The following HMGCLL1 variants were observed in gnomAD, a reference collection of about 807,000 sequenced individuals.
HMGCLL1 encodes the protein 3-hydroxymethyl-3-methylglutaryl-CoA lyase, cytoplasmic.
A neutral mutation model predicts 39.1 loss-of-function variants in HMGCLL1; 36 were observed. That is an observed-to-expected ratio of 0.92 (90% CI 0.71 to 1.22). The LOEUF (loss-of-function observed/expected upper bound fraction) is 1.22, where lower values mean the gene tolerates loss of function less well. HMGCLL1 is among the 50% of genes most tolerant of loss of function. HMGCLL1 has a pLI of 0.00. For missense variants in HMGCLL1, 451 were observed against 416.5 expected (o/e 1.08, Z -0.72); for synonymous variants, 149 against 144.0 (o/e 1.03, Z -0.25).
chr6:55,488,134 T>G (rs1561912376), intron 7 of HMGCLL1, among the ~76,000 whole-genome samples: 1 of 152,120 alleles, frequency 6.6e-6, no homozygotes, highest in Non-Finnish European at 1.5e-5. Context: ...AAATGCATAA[T>G]GTAATTTTGG....
intron 3 of HMGCLL1, among the ~76,000 whole-genome samples, chr6:55,537,477 A>T (rs1370414801): frequency 2.6e-5 from 4 of 152,212 alleles, no homozygotes; most frequent in African/African-American, 9.6e-5. Context: ...CACATACTTT[A>T]ATCTTCAGAA....
chr6:55,541,847 A>C lies in HMGCLL1; in HGVS notation c.190-11T>G. 6.9e-7 allele frequency: 1 copy of C among 1,454,684 alleles called. No individual in the cohort carries two copies. Among genetic ancestry groups the C allele is most frequent in the Non-Finnish European group, 9.5e-7 (1 of 1,051,060 alleles). 90.1% of individuals were successfully genotyped at this position (1,454,684 alleles called of 1,614,324 possible). A position where few individuals can be genotyped will look rare whatever the true frequency, so the allele number is the denominator to read the frequency against. On this transcript the variant is annotated splice_polypyrimidine_tract_variant and intron_variant, in intron 2 of 8. Coordinates refer to ENST00000274901, the MANE Select transcript of HMGCLL1 (RefSeq NM_001042406.2). ...TGTAGGAACTATAACCTATGAAAAC[A>C]AAAAATATTTTATAAGTAAATTGTA...
rs563385503 is a variant in HMGCLL1 at position 55,578,887 on chromosome 6, A to G, written c.108+61T>C. ...AGGAGGGCACCAAGAGGTTGCAGGGAGAGAGGCTGGCTGTCAGTGTGCGCA... is the reference window on the plus strand; with the variant it reads ...AGGAGGGCACCAAGAGGTTGCAGGGGGAGAGGCTGGCTGTCAGTGTGCGCA... On this transcript the variant is annotated intron_variant, in intron 1 of 8. Transcript: ENST00000274901. The G allele has an allele frequency of 5.2e-5, 64 of 1,238,566 alleles. 1 individual carries two copies. The South Asian group carries it at 7.2e-4, about 14-fold the overall frequency. 76.7% of individuals were successfully genotyped at this position (1,238,566 alleles called of 1,614,324 possible).
At chr6:55,452,263 T>A (rs938057916) in intron 7 of HMGCLL1, among the ~76,000 whole-genome samples, 5 of 152,202 alleles carry the variant, frequency 3.3e-5, no homozygotes, top group African/African-American at 1.2e-4. Flanking sequence ...TTTATTAATC[T>A]TGGCTGCAGC....
At chr6:55,617,684 G>T in the HMGCLL1 span, among the ~76,000 whole-genome samples, 1 of 152,212 alleles carries the variant, frequency 6.6e-6, no homozygotes, top group East Asian at 1.9e-4. Context: ...TGGTGGAATT[G>T]TAAACTGGTA....
chr6:55,446,369 C>T (rs2127385248), intron 7 of HMGCLL1, among the ~76,000 whole-genome samples: 1 of 150,560 alleles, frequency 6.6e-6, no homozygotes. Context: ...ACTCTAAGGA[C>T]TGAGATGTCC....
At chr6:55,564,241 A>G (rs539958114) in intron 1 of HMGCLL1, among the ~76,000 whole-genome samples, 14 of 152,174 alleles carry the variant, frequency 9.2e-5, no homozygotes, top group Middle Eastern at 3.4e-3. Context: ...TCAATCATGT[A>G]TAATTTGTTG....
In HMGCLL1 at chr6:55,574,851, T is replaced by C. The variant is rs574782604; in HGVS notation, c.108+4097A>G. On this transcript the variant is annotated intron_variant, in intron 1 of 8. Coordinates refer to ENST00000274901, the MANE Select transcript of HMGCLL1 (RefSeq NM_001042406.2). ...CACCAAATAACTTTACGCTGAATCA[T>C]AATTTTTGCTGACAGCAAATGTAAC... Among the ~76,000 whole-genome samples, 18 of 152,182 alleles carry C rather than the reference T, an allele frequency of 1.2e-4. 1 individual carries two copies. Among genetic ancestry groups the C allele is most frequent in the African/African-American group, 4.1e-4 (17 of 41,574 alleles).
intron 1 of HMGCLL1, among the ~76,000 whole-genome samples, chr6:55,562,065 C>T (rs1455475588): frequency 6.6e-6 from 1 of 151,964 alleles, no homozygotes; most frequent in Non-Finnish European, 1.5e-5. Context: ...AGTTAACAAA[C>T]AGGTTATAAG....
chr6:55,541,793 A>G lies in HMGCLL1; in HGVS notation c.233T>C (p.Leu78Pro). 1 of 1,609,850 alleles carries G rather than the reference A, an allele frequency of 6.2e-7. No individual in the cohort carries two copies. The highest frequency in any genetic ancestry group is 1.3e-5 in the African/African-American group (1 of 74,872). The change falls in exon 3 of 9, where the codon CTT (leucine) becomes CCT (proline). Residue 78 changes from leucine (L) to proline (P), a missense_variant. Leu to Pro is a moderately conservative substitution (Grantham distance 98, BLOSUM62 -3). Coordinates refer to ENST00000274901, the MANE Select transcript of HMGCLL1 (RefSeq NM_001042406.2). The part of the protein sequence containing the change: ...TDIKIEFINR[L>P]SQTGLSVIEV... ...TATTACAGACAAGCCAGTTTGGGAA[A>G]GTCGATTGATAAATTCAATTTTTAT...
chr6:55,495,738 T>G (rs1766542759), intron 6 of HMGCLL1, 131 bp from the exon 7 acceptor site: 1 of 539,324 alleles, frequency 1.9e-6, no homozygotes, highest in Non-Finnish European at 3.1e-6. Flanking sequence ...AAATATATAA[T>G]GTATTTTCTG....
the HMGCLL1 span, among the ~76,000 whole-genome samples, chr6:55,624,572 T>TA: frequency 6.6e-6 from 1 of 152,164 alleles, no homozygotes; most frequent in African/African-American, 2.4e-5. Flanking sequence ...TCCTGCAAGA[T>TA]ATCACATTGG....
intron 7 of HMGCLL1, among the ~76,000 whole-genome samples, chr6:55,485,343 G>C (rs1224820460): frequency 6.6e-6 from 1 of 151,790 alleles, no homozygotes; most frequent in East Asian, 1.9e-4. Flanking sequence ...TTAATCATCT[G>C]TACTCCCCTG....
intron 7 of HMGCLL1, among the ~76,000 whole-genome samples, chr6:55,477,938 G>A (rs1202074247): frequency 6.6e-6 from 1 of 150,894 alleles, no homozygotes; most frequent in South Asian, 2.1e-4. Flanking sequence ...AAACAGAGTC[G>A]ATTCTGTATT....
At chr6:55,645,125 T>G in the HMGCLL1 span, among the ~76,000 whole-genome samples, 1 of 152,128 alleles carries the variant, frequency 6.6e-6, no homozygotes, top group East Asian at 1.9e-4. Context: ...CTTCTTTTTT[T>G]AAGTTAATTC....
At chr6:55,516,694 CAGTT>C (rs1257436074) in intron 3 of HMGCLL1, 91 bp from the exon 4 acceptor site, 6 of 693,832 alleles carry the variant, frequency 8.6e-6, no homozygotes, top group African/African-American at 7.1e-5. Context: ...GTTACATGGA[CAGTT>C]AGAGTCTTTA....
At chr6:55,667,424 G>C in the HMGCLL1 span, among the ~76,000 whole-genome samples, 13 of 151,736 alleles carry the variant, frequency 8.6e-5, no homozygotes, top group African/African-American at 2.2e-4. Context: ...GATTGGAACG[G>C]ATATTATCAC....
chr6:55,577,873 G>A (rs1470412631), intron 1 of HMGCLL1, among the ~76,000 whole-genome samples: 2 of 152,124 alleles, frequency 1.3e-5, no homozygotes, highest in African/African-American at 4.8e-5. Context: ...GTCATCAACA[G>A]GTTTTGAGTT....
chr6:55,627,881 T>A, the HMGCLL1 span, among the ~76,000 whole-genome samples: 10 of 43,482 alleles, frequency 2.3e-4, no homozygotes, highest in African/African-American at 9.8e-4. Flanking sequence ...ATAAACTCCC[T>A]TATATATATA....
Sources: gnomAD v4.1 joint callset for allele counts (sites outside exome capture counted in the v4.1 genomes callset) on GRCh38, gnomAD v4.1.1 for gene constraint, MANE v1.5 for transcripts, NCBI Gene and HGNC (gene_info 2026-07-23, HGNC 2026-07-21) for gene names.